The following ASTN1 variants were observed in gnomAD, a reference collection of about 807,000 sequenced individuals.
ASTN1 encodes astrotactin 1.
A neutral mutation model predicts 140.7 loss-of-function variants in ASTN1; 41 were observed. That is an observed-to-expected ratio of 0.29 (90% CI 0.23 to 0.38). The LOEUF (loss-of-function observed/expected upper bound fraction) is 0.38, where lower values mean the gene tolerates loss of function less well. Among genes scored for constraint, ASTN1 ranks in the 10% least tolerant of loss-of-function variants. The pLI, the probability that ASTN1 is intolerant of heterozygous loss-of-function variation, is 1.00. For synonymous variants in ASTN1, 640 were observed against 652.2 expected (o/e 0.98, Z 0.29); for missense variants, 1,479 against 1,678.8 (o/e 0.88, Z 2.08).
At chr1:177,015,894 T>C (rs965655879) in intron 7 of ASTN1, among the ~76,000 whole-genome samples, 1 of 152,208 alleles carries the variant, frequency 6.6e-6, no homozygotes, top group African/African-American at 2.4e-5. Flanking sequence ...CACTAGTTCC[T>C]ACTATTTAAA....
In ASTN1 at chr1:176,944,517, G is replaced by A. The variant is rs906538886; in HGVS notation, c.2250-499C>T. Reference sequence around the variant, plus strand: ...CTCAAGCGAACCACCCACCACCTTGGCCTCCCAAAGTGCTGAGATTATAGG... The same window carrying A: ...CTCAAGCGAACCACCCACCACCTTGACCTCCCAAAGTGCTGAGATTATAGG... On this transcript the variant is annotated intron_variant, in intron 13 of 22. Transcript: ENST00000361833. Among the ~76,000 whole-genome samples the A allele has an allele frequency of 2.6e-5, 4 of 152,100 alleles. No homozygotes were observed. The East Asian group carries it at 7.7e-4, about 29-fold the overall frequency.
At chr1:176,912,723 G>C (rs2103062040) in intron 16 of ASTN1, among the ~76,000 whole-genome samples, 1 of 152,198 alleles carries the variant, frequency 6.6e-6, no homozygotes, top group South Asian at 2.1e-4. Context: ...GAACACAGGG[G>C]GATGGTGGAA....
intron 8 of ASTN1, among the ~76,000 whole-genome samples, chr1:176,987,350 T>C (rs1274530763): frequency 6.6e-6 from 1 of 152,222 alleles, no homozygotes; most frequent in Non-Finnish European, 1.5e-5. Flanking sequence ...TAGAACTTTA[T>C]TTACAAAAAC....
intron 22 of ASTN1, among the ~76,000 whole-genome samples, chr1:176,867,558 C>G (rs938146526): frequency 2.6e-5 from 4 of 152,270 alleles, no homozygotes; most frequent in East Asian, 3.9e-4. Context: ...ATTTTTCTCT[C>G]TGGTCTGTAG....
chr1:177,068,825 T>G (rs142172253), intron 1 of ASTN1, among the ~76,000 whole-genome samples: 2 of 149,372 alleles, frequency 1.3e-5, no homozygotes, highest in Non-Finnish European at 3.0e-5. Flanking sequence ...TCTTTTCTTT[T>G]TTTTTTTTTT....
At chr1:177,038,764 C>G (rs749779057) in intron 2 of ASTN1, among the ~76,000 whole-genome samples, 1 of 152,144 alleles carries the variant, frequency 6.6e-6, no homozygotes, top group Admixed American at 6.5e-5. Flanking sequence ...ACGTATGGTT[C>G]CTGATCTCAT....
chr1:177,062,675 G>T (rs1678158908), intron 1 of ASTN1, among the ~76,000 whole-genome samples: 1 of 151,462 alleles, frequency 6.6e-6, no homozygotes, highest in African/African-American at 2.4e-5. Flanking sequence ...CTCTCATCAA[G>T]TACCACAACC....
In ASTN1 at chr1:177,003,389, A is replaced by T. The variant is rs184301424; in HGVS notation, c.1523+11402T>A. ...CCCACAAACTGCATTTAAAAACAAA[A>T]GCCATATGAGCAACTCAATAGATGC... On this transcript the variant is annotated intron_variant, in intron 8 of 22. Transcript: ENST00000361833. Among the ~76,000 whole-genome samples, 297 of 152,344 alleles carry T rather than the reference A, an allele frequency of 1.9e-3. 3 individuals are homozygous for T. Among genetic ancestry groups the T allele is most frequent in the Non-Finnish European group, 1.8e-4 (12 of 68,032 alleles).
chr1:176,857,624 C>G, downstream of ASTN1: 5 of 623,354 alleles, frequency 8.0e-6, no homozygotes, highest in Non-Finnish European at 1.5e-5. Context: ...TCTACAACTC[C>G]TCTGACTGTC....
At chr1:177,112,214 T>C (rs1452689436) in intron 1 of ASTN1, among the ~76,000 whole-genome samples, 2 of 152,242 alleles carry the variant, frequency 1.3e-5, no homozygotes, top group Non-Finnish European at 1.5e-5. Context: ...GGTGTTTGCA[T>C]AGTCTGTGGT....
chr1:176,860,984 A>T, downstream of ASTN1: 1 of 737,422 alleles, frequency 1.4e-6, no homozygotes, highest in Non-Finnish European at 1.7e-6. Flanking sequence ...TCTGAAGTGT[A>T]ACCTTTAAAA....
At chr1:176,976,412 T>A (rs1457705494) in intron 8 of ASTN1, 1 of 152,176 alleles carries the variant, frequency 6.6e-6, no homozygotes, top group Non-Finnish European at 1.5e-5. Context: ...CTGCAGACAC[T>A]GAAAGCAGTC....
intron 16 of ASTN1, 77 bp from the exon 17 acceptor site, chr1:176,894,907 G>T: frequency 1.3e-6 from 2 of 1,560,548 alleles, no homozygotes; most frequent in Non-Finnish European, 1.7e-6. Flanking sequence ...GCCCCTGAGT[G>T]CTGGGGTCCA....
intron 22 of ASTN1, among the ~76,000 whole-genome samples, chr1:176,865,313 C>G (rs1336466598): frequency 6.6e-6 from 1 of 152,124 alleles, no homozygotes; most frequent in East Asian, 1.9e-4. Context: ...AGGAGTGAAC[C>G]CCCTGGGCCA....
chr1:176,957,711 A>C lies in ASTN1; in HGVS notation c.1854T>G (p.Ile618Met). The C allele has an allele frequency of 1.2e-6, 2 of 1,614,060 alleles. No individual in the cohort carries two copies. The highest frequency in any genetic ancestry group is 1.7e-6 in the Non-Finnish European group (2 of 1,179,976). The change falls in exon 11 of 23, where the codon ATT becomes ATG. Residue 618 changes from isoleucine to methionine, a missense_variant. Physicochemically the swap from Ile to Met is conservative, Grantham distance 10. Around this residue, in one of 3 missense-constraint regions of ASTN1, gnomAD observed 729 missense variants for 860.4 expected, o/e 0.85. Transcript: ENST00000361833. ...CAGTGGAGTCCAGCTTGCGATCTGA[A>C]ATACAGCGGAAATTCTTACTGCAGC... ...NGGCSKNFRCISDRKLDSTGC... is the reference protein window; with the variant it reads ...NGGCSKNFRCMSDRKLDSTGC...
intron 18 of ASTN1, among the ~76,000 whole-genome samples, chr1:176,885,779 G>A (rs1434251362): frequency 2.6e-5 from 4 of 152,120 alleles, no homozygotes; most frequent in Non-Finnish European, 4.4e-5. Flanking sequence ...CTTCTTTAAA[G>A]GAGCTTAGTG....
chr1:177,150,498 AG>A (rs1462622298), intron 1 of ASTN1, among the ~76,000 whole-genome samples: 1 of 152,186 alleles, frequency 6.6e-6, no homozygotes, highest in Non-Finnish European at 1.5e-5. Context: ...GTTCAGGTAA[AG>A]GAAAAGATGT....
chr1:176,922,556 CAAAAAAAAA>C (rs71129589), intron 16 of ASTN1, among the ~76,000 whole-genome samples: 2 of 77,614 alleles, frequency 2.6e-5, no homozygotes, highest in Non-Finnish European at 2.4e-5. Context: ...GCCCCCACTG[CAAAAAAAAA>C]AAAAAAAAAA....
intron 8 of ASTN1, among the ~76,000 whole-genome samples, chr1:176,986,886 T>C (rs534115513): frequency 1.3e-5 from 2 of 152,320 alleles, no homozygotes; most frequent in African/African-American, 4.8e-5. Context: ...TATAAGTACC[T>C]GTTGTTATTA....
Sources: gnomAD v4.1 joint callset for allele counts (sites outside exome capture counted in the v4.1 genomes callset) on GRCh38, gnomAD v4.1.1 for gene constraint, gnomAD v4.1.1 regional missense constraint, MANE v1.5 for transcripts, NCBI Gene and HGNC (gene_info 2026-07-23, HGNC 2026-07-21) for gene names.